The following EPG5 variants were observed in gnomAD, a reference collection of about 807,000 sequenced individuals.
EPG5 encodes the protein ectopic P granules protein 5 homolog.
In EPG5, 159 loss-of-function variants were observed where a neutral mutation model predicts 302.7. The observed-to-expected ratio is 0.53, with a 90% confidence interval of 0.46 to 0.60. The LOEUF (loss-of-function observed/expected upper bound fraction) is 0.60, where lower values mean the gene tolerates loss of function less well. Ranked by LOEUF, EPG5 falls within the 20% of genes least tolerant of loss-of-function variation. EPG5 has a pLI of 0.00. For missense variants in EPG5, 2,896 were observed against 3,092.4 expected (o/e 0.94, Z 1.51); for synonymous variants, 1,158 against 1,136.8 (o/e 1.02, Z -0.37).
intron 39 of EPG5, among the ~76,000 whole-genome samples, chr18:45,863,730 G>C (rs2048683018): frequency 6.6e-6 from 1 of 152,210 alleles, no homozygotes; most frequent in South Asian, 2.1e-4. Context: ...CTGTCTTACA[G>C]ATTCTTTTAT....
At chr18:45,837,125 T>A in the EPG5 span, 1 of 1,611,004 alleles carries the variant, frequency 6.2e-7, no homozygotes, top group Non-Finnish European at 8.5e-7. Flanking sequence ...CTCGGGGATC[T>A]TGGGAGTCTG....
intron 32 of EPG5, among the ~76,000 whole-genome samples, chr18:45,879,666 GC>G (rs542705339): frequency 1.8e-4 from 28 of 152,334 alleles, no homozygotes; most frequent in Admixed American, 1.8e-3. Flanking sequence ...ACCGCGCCAG[GC>G]CATCAGTGGG....
chr18:45,942,431 C>A (rs1453899890), intron 9 of EPG5, among the ~76,000 whole-genome samples: 1 of 151,828 alleles, frequency 6.6e-6, no homozygotes, highest in Non-Finnish European at 1.5e-5. Flanking sequence ...GGTGAAACCC[C>A]GTCTCCACTA....
chr18:45,914,392 G>A (rs1156312037), intron 20 of EPG5, among the ~76,000 whole-genome samples: 1 of 152,234 alleles, frequency 6.6e-6, no homozygotes, highest in African/African-American at 2.4e-5. Context: ...GAGGTGGGAA[G>A]AAGAGCAAGA....
chr18:45,941,966 G>A (rs1213769241), intron 9 of EPG5, among the ~76,000 whole-genome samples: 1 of 152,164 alleles, frequency 6.6e-6, no homozygotes, highest in African/African-American at 2.4e-5. Flanking sequence ...GCTCATGGCT[G>A]TAATCCCAGA....
intron 9 of EPG5, among the ~76,000 whole-genome samples, chr18:45,940,450 G>A (rs1002887689): frequency 6.6e-6 from 1 of 152,180 alleles, no homozygotes; most frequent in African/African-American, 2.4e-5. Flanking sequence ...CTGAGGTGGG[G>A]AAAGGGCAGA....
chr18:45,903,980 A>C lies in EPG5; in HGVS notation c.4467T>G (p.Pro1489=), dbSNP rs2049687282. 6.2e-7 allele frequency: 1 copy of C among 1,606,788 alleles called. No homozygotes were observed. The highest frequency in any genetic ancestry group is 1.3e-5 in the African/African-American group (1 of 74,596). Residue 1489 remains proline (P), a synonymous_variant, in exon 25 of 44, where the codon CCT becomes CCG. Coordinates refer to ENST00000282041, the MANE Select transcript of EPG5 (RefSeq NM_020964.3). ...SLSVQLDFTD[P]LLAKERVLSN... is the part of the protein sequence containing the mutation. The stretch of plus-strand genomic sequence containing the variant: ...GGTGCTCCCAGGACCCACCCAGCAA[A>C]GGATCAGTGAAGTCCAGCTGCACGG...
intron 9 of EPG5, among the ~76,000 whole-genome samples, chr18:45,941,987 G>T (rs961009277): frequency 6.6e-6 from 1 of 152,176 alleles, no homozygotes; most frequent in Non-Finnish European, 1.5e-5. Flanking sequence ...ACTTTGGGAG[G>T]CCAAGGCAGG....
At chr18:45,834,151 A>G in the EPG5 span, among the ~76,000 whole-genome samples, 3 of 152,202 alleles carry the variant, frequency 2.0e-5, no homozygotes, top group South Asian at 4.2e-4. Flanking sequence ...TGCTGAAGTG[A>G]CATCGCCTCT....
At chr18:45,911,581 C>T (rs528941350) in intron 22 of EPG5, among the ~76,000 whole-genome samples, 3 of 152,068 alleles carry the variant, frequency 2.0e-5, no homozygotes, top group African/African-American at 7.2e-5. Flanking sequence ...CGTGAGCCAC[C>T]GCGCCTGGCC....
chr18:45,846,956 A>T (rs1347004193), downstream of EPG5, among the ~76,000 whole-genome samples: 1 of 152,204 alleles, frequency 6.6e-6, no homozygotes, highest in Non-Finnish European at 1.5e-5. Flanking sequence ...ACTGGTCTGG[A>T]GACAGCTAAC....
intron 39 of EPG5, among the ~76,000 whole-genome samples, chr18:45,860,838 C>G (rs2048619809): frequency 6.6e-6 from 1 of 152,010 alleles, no homozygotes; most frequent in Non-Finnish European, 1.5e-5. Context: ...AAGGAAAAAC[C>G]TTTGTAAAGT....
chr18:45,832,604 T>C, the EPG5 span, among the ~76,000 whole-genome samples: 3 of 152,256 alleles, frequency 2.0e-5, no homozygotes, highest in East Asian at 5.8e-4. Flanking sequence ...TGGCCCACCA[T>C]TGAGGGAGGG....
At chr18:45,893,172 C>T (rs908264218) in intron 27 of EPG5, among the ~76,000 whole-genome samples, 1 of 152,152 alleles carries the variant, frequency 6.6e-6, no homozygotes, top group Non-Finnish European at 1.5e-5. Flanking sequence ...CATATGCAGG[C>T]TTGAATCCTG....
At chr18:45,898,747 C>A (rs796470263) in intron 27 of EPG5, among the ~76,000 whole-genome samples, 1 of 152,318 alleles carries the variant, frequency 6.6e-6, no homozygotes, top group South Asian at 2.1e-4. Flanking sequence ...ACACTTGGAA[C>A]GGGCTGACCT....
intron 16 of EPG5, among the ~76,000 whole-genome samples, chr18:45,919,555 C>T (rs1209521920): frequency 6.6e-6 from 1 of 151,562 alleles, no homozygotes; most frequent in Admixed American, 6.6e-5. Context: ...CTCTGTCGCC[C>T]AGGCTGGAGT....
At chr18:45,873,084 A>C (rs1463353585) in intron 35 of EPG5, among the ~76,000 whole-genome samples, 2 of 152,210 alleles carry the variant, frequency 1.3e-5, no homozygotes, top group Non-Finnish European at 2.9e-5. Context: ...CTACCTTGCA[A>C]AGCTCTCCTG....
At chr18:45,931,564 T>C (rs1014759885) in intron 11 of EPG5, among the ~76,000 whole-genome samples, 2 of 152,238 alleles carry the variant, frequency 1.3e-5, no homozygotes, top group African/African-American at 4.8e-5. Flanking sequence ...CCGGGCGCTG[T>C]GGCTCACACC....
rs763951832 is a variant in EPG5, at chr18:45,901,019, C to G, written c.4623G>C (p.Leu1541=). The G allele has an allele frequency of 1.9e-6, 3 of 1,613,492 alleles. No homozygotes were observed. Among genetic ancestry groups the G allele is most frequent in the Non-Finnish European group, 2.5e-6 (3 of 1,179,624 alleles). ...KDATQLVCTD[L]NLLQQQARTA... is the part of the protein sequence containing the mutation. The stretch of plus-strand genomic sequence containing the variant: ...ACCTGGCCTGCTGTTGCAACAGATT[C>G]AGGTCTGTGCACACCAGCTGGGTGG... Residue 1541 remains leucine (L), a synonymous_variant, in exon 26 of 44, where the codon CTG becomes CTC. Transcript: ENST00000282041.
Sources: allele counts gnomAD v4.1 joint callset (sites outside exome capture counted in the v4.1 genomes callset), GRCh38; gene constraint gnomAD v4.1.1; transcripts MANE v1.5; gene names NCBI Gene and HGNC (gene_info 2026-07-23, HGNC 2026-07-21).